Variants in HIVEP3 observed in about 807,000 individuals in gnomAD.
The protein encoded by HIVEP3 is HIVEP zinc finger 3.
In HIVEP3, 49 loss-of-function variants were observed where a neutral mutation model predicts 152.8. That is an observed-to-expected ratio of 0.32 (90% CI 0.26 to 0.41). The LOEUF (loss-of-function observed/expected upper bound fraction) is 0.41. Ranked by LOEUF, HIVEP3 falls within the 10% of genes least tolerant of loss-of-function variation. The pLI, the probability that HIVEP3 is intolerant of heterozygous loss-of-function variation, is 1.00. For missense variants in HIVEP3, 2,790 were observed against 3,103.3 expected (o/e 0.90, Z 2.40); for synonymous variants, 1,269 against 1,289.0 (o/e 0.98, Z 0.33).
chr1:42,025,349 A>T (rs1645575940), intron 1 of HIVEP3, among the ~76,000 whole-genome samples: 7 of 152,166 alleles, frequency 4.6e-5, no homozygotes, highest in Admixed American at 4.6e-4. Flanking sequence ...TTTTATTTCT[A>T]GTTCTGTTTA....
At chr1:41,717,128 G>T (rs575330160) in intron 1 of HIVEP3, among the ~76,000 whole-genome samples, 1 of 152,316 alleles carries the variant, frequency 6.6e-6, no homozygotes, top group African/African-American at 2.4e-5. Context: ...CCTGGGGGAA[G>T]GTTCTGGGTC....
chr1:41,829,851 T>C (rs1276899691), intron 1 of HIVEP3, among the ~76,000 whole-genome samples: 4 of 152,064 alleles, frequency 2.6e-5, no homozygotes, highest in African/African-American at 4.8e-5. Flanking sequence ...TTTCCTCACC[T>C]GTAAAGCGGA....
At chr1:41,857,454 TGATTTAAAGAA>T (rs1292690333) in intron 1 of HIVEP3, among the ~76,000 whole-genome samples, 1 of 151,820 alleles carries the variant, frequency 6.6e-6, no homozygotes, top group Non-Finnish European at 1.5e-5. Context: ...TCAATTTAAG[TGATTTAAAGAA>T]GAATGTATTT....
chr1:41,883,098 C>G (rs1644289401), intron 1 of HIVEP3, among the ~76,000 whole-genome samples: 1 of 152,174 alleles, frequency 6.6e-6, no homozygotes, highest in East Asian at 1.9e-4. Flanking sequence ...ACAGAAAATA[C>G]AGGGGCAGCA....
At chr1:41,925,108 A>G (rs1383553233) in intron 1 of HIVEP3, among the ~76,000 whole-genome samples, 1 of 152,232 alleles carries the variant, frequency 6.6e-6, no homozygotes, top group Middle Eastern at 3.2e-3. Flanking sequence ...TAAGCCAAGA[A>G]TGGATCTGAC....
At chr1:41,595,784 G>C (rs1471781633) in intron 3 of HIVEP3, among the ~76,000 whole-genome samples, 1 of 152,172 alleles carries the variant, frequency 6.6e-6, no homozygotes. Flanking sequence ...GACTGGCTTA[G>C]CCTCCTGGCC....
chr1:41,795,813 T>G (rs1649950940), intron 1 of HIVEP3, among the ~76,000 whole-genome samples: 1 of 152,210 alleles, frequency 6.6e-6, no homozygotes, highest in Admixed American at 6.5e-5. Flanking sequence ...TTTTTTGTCT[T>G]GCTTTGTTTT....
intron 1 of HIVEP3, among the ~76,000 whole-genome samples, chr1:41,747,645 T>C (rs142286668): frequency 6.6e-6 from 1 of 152,368 alleles, no homozygotes; most frequent in African/African-American, 2.4e-5. Context: ...CTATCAGCTA[T>C]ACTACTTTTT....
intron 1 of HIVEP3, among the ~76,000 whole-genome samples, chr1:41,936,617 G>T (rs1645021534): frequency 6.6e-6 from 1 of 152,190 alleles, no homozygotes; most frequent in South Asian, 2.1e-4. Context: ...GCAAGCTTCA[G>T]TTAGAAAAAT....
rs1471969368 is a variant in HIVEP3, at chr1:41,582,241, T to C, written c.2557A>G (p.Ile853Val). 9.3e-6 allele frequency: 15 copies of C among 1,613,844 alleles called. No individual in the cohort carries two copies. The highest frequency in any genetic ancestry group is 3.3e-5 in the Admixed American group (2 of 59,988). The change falls in exon 4 of 9, where the codon ATT becomes GTT. Residue 853 changes from isoleucine to valine, a missense_variant. Physicochemically the swap from Ile to Val is conservative, Grantham distance 29. Around this residue, in one of 9 missense-constraint regions of HIVEP3, gnomAD observed 1,078 missense variants for 1,165.3 expected, o/e 0.93. Transcript: ENST00000372583. This position sits in a 1 kb window ranked among gnomAD's most constrained non-coding sequence, Gnocchi z 4.7. The stretch of plus-strand genomic sequence containing the variant: ...GTTACTAGGATCTCAGGAACCTGAA[T>C]GTTGGGCTGGCGGACCAACTTAGGC... ...LQPKLVRQPN[I>V]QVPEILVTEE... is the part of the protein sequence containing the mutation.
At chr1:41,812,687 G>A (rs921953337) in intron 1 of HIVEP3, among the ~76,000 whole-genome samples, 15 of 152,068 alleles carry the variant, frequency 9.9e-5, no homozygotes, top group African/African-American at 3.6e-4. Context: ...AGGGGGTGGG[G>A]GGGGACCTGG....
At chr1:41,854,517 CTTT>C (rs998972000) in intron 1 of HIVEP3, among the ~76,000 whole-genome samples, 55 of 103,640 alleles carry the variant, frequency 5.3e-4, no homozygotes, top group Middle Eastern at 7.0e-3. Flanking sequence ...TCTTGCTGCA[CTTT>C]TTTTTTTTTT....
intron 2 of HIVEP3, among the ~76,000 whole-genome samples, chr1:41,630,228 G>T (rs1247123344): frequency 6.6e-6 from 1 of 152,100 alleles, no homozygotes; most frequent in Non-Finnish European, 1.5e-5. Flanking sequence ...TAAACATTGG[G>T]TACACATGGA....
chr1:41,931,059 A>G (rs534121340), intron 1 of HIVEP3, among the ~76,000 whole-genome samples: 1 of 152,188 alleles, frequency 6.6e-6, no homozygotes, highest in African/African-American at 2.4e-5. Context: ...TTTTCTCACA[A>G]TCTGTGGCTT....
chr1:41,574,001 G>A (rs1558073349), intron 5 of HIVEP3, among the ~76,000 whole-genome samples: 1 of 152,148 alleles, frequency 6.6e-6, no homozygotes, highest in Non-Finnish European at 1.5e-5. Context: ...TGGGCACGGA[G>A]TGGCTCCTGC....
At chr1:41,529,458 A>G (rs62648086) in intron 5 of HIVEP3, among the ~76,000 whole-genome samples, 2 of 41,160 alleles carry the variant, frequency 4.9e-5, no homozygotes, top group African/African-American at 1.2e-4. Flanking sequence ...ACACCCTCAC[A>G]CTCCCCCCAA....
rs866796366 is a variant in HIVEP3, at chr1:41,533,884, G to A, written c.5208-8974C>T. Among the ~76,000 whole-genome samples the A allele has an allele frequency of 5.9e-5, 9 of 151,556 alleles. No individual in the cohort carries two copies. Among genetic ancestry groups the A allele is most frequent in the African/African-American group, 2.2e-4 (9 of 41,186 alleles). On this transcript the variant is annotated intron_variant, in intron 5 of 8. Coordinates refer to ENST00000372583, the MANE Select transcript of HIVEP3 (RefSeq NM_024503.5). The surrounding 1 kb of genome is among the most constrained non-coding windows in gnomAD (Gnocchi z 4.3). ...GGTTTTCAGGCACCTCATACCTTGCGTGCCCAGAACCAGCCTTCCAAGTCC... is the reference window on the plus strand; with the variant it reads ...GGTTTTCAGGCACCTCATACCTTGCATGCCCAGAACCAGCCTTCCAAGTCC...
intron 1 of HIVEP3, among the ~76,000 whole-genome samples, chr1:41,720,114 C>T (rs768338742): frequency 6.6e-6 from 1 of 152,188 alleles, no homozygotes; most frequent in Non-Finnish European, 1.5e-5. Context: ...TGCTTTCCTA[C>T]GTCTCCCCTC....
intron 1 of HIVEP3, among the ~76,000 whole-genome samples, chr1:41,753,428 G>A (rs981048271): frequency 3.9e-5 from 6 of 152,146 alleles, no homozygotes; most frequent in African/African-American, 1.4e-4. Context: ...TGGACTTTGG[G>A]AGGCCGAGGT....
Sources: gnomAD v4.1 joint callset for allele counts (sites outside exome capture counted in the v4.1 genomes callset) on GRCh38, gnomAD v4.1.1 for gene constraint, gnomAD v4.1.1 regional missense constraint, Gnocchi (gnomAD v3.1) non-coding constraint, MANE v1.5 for transcripts, NCBI Gene and HGNC (gene_info 2026-07-23, HGNC 2026-07-21) for gene names.